The following CDH13 variants were observed in gnomAD, a reference collection of about 807,000 sequenced individuals.
The protein encoded by CDH13 is cadherin 13, also known as cadherin-13.
A neutral mutation model predicts 63.8 loss-of-function variants in CDH13; 24 were observed. The observed-to-expected ratio is 0.38, with a 90% CI of 0.27 to 0.53. CDH13 has a LOEUF of 0.53. Ranked by LOEUF, CDH13 falls within the 20% of genes least tolerant of loss-of-function variation. The probability of loss-of-function intolerance (pLI) is 0.85; values close to 1 mark genes in which losing one functional copy is unlikely to be tolerated. For missense variants in CDH13, 1,049 were observed against 903.1 expected (o/e 1.16, Z -2.07); for synonymous variants, 503 against 355.3 (o/e 1.42, Z -4.67).
intron 4 of CDH13, among the ~76,000 whole-genome samples, chr16:83,206,261 T>C (rs1175076182): frequency 6.6e-6 from 1 of 152,228 alleles, no homozygotes; most frequent in African/African-American, 2.4e-5. Flanking sequence ...CCGTGATTTC[T>C]CTGACAATCT....
intron 8 of CDH13, among the ~76,000 whole-genome samples, chr16:83,663,008 TG>T (rs1457265009): frequency 1.3e-5 from 2 of 152,258 alleles, no homozygotes; most frequent in Non-Finnish European, 2.9e-5. Flanking sequence ...TCCATTCTTT[TG>T]CTTCTCCATG....
At chr16:82,658,952 T>A (rs909088349) in intron 1 of CDH13, among the ~76,000 whole-genome samples, 1 of 152,220 alleles carries the variant, frequency 6.6e-6, no homozygotes, top group African/African-American at 2.4e-5. Flanking sequence ...CAGACTATTG[T>A]GAGCATAGTT....
intron 7 of CDH13, among the ~76,000 whole-genome samples, chr16:83,572,175 G>GGTGTGTGT (rs71148844): frequency 0.072 from 10,485 of 145,518 alleles, 441 homozygotes; most frequent in Middle Eastern, 0.12. Flanking sequence ...ACTTTCCTGT[G>GGTGTGTGT]GTGTGTGTGT....
At chr16:83,690,270 G>T (rs576501643) in intron 10 of CDH13, among the ~76,000 whole-genome samples, 7 of 152,228 alleles carry the variant, frequency 4.6e-5, no homozygotes, top group Admixed American at 6.5e-5. Context: ...AAGTAGCATA[G>T]TAACTGGTGA....
chr16:83,104,550 G>T (rs1021918421), intron 3 of CDH13, among the ~76,000 whole-genome samples: 1 of 149,522 alleles, frequency 6.7e-6, no homozygotes, highest in Non-Finnish European at 1.5e-5. Context: ...AATGTCTTTA[G>T]CAAAAAAGGA....
intron 5 of CDH13, among the ~76,000 whole-genome samples, chr16:83,301,155 C>T (rs924579651): frequency 6.6e-6 from 1 of 151,166 alleles, no homozygotes. Flanking sequence ...CCTCAGCCTC[C>T]CAAGTAGCTG....
At chr16:82,823,294 G>A (rs1292585358) in intron 1 of CDH13, 4 of 151,916 alleles carry the variant, frequency 2.6e-5, no homozygotes, top group African/African-American at 4.8e-5. Flanking sequence ...AAGATGATAA[G>A]GTCTGGAAGA....
intron 5 of CDH13, among the ~76,000 whole-genome samples, chr16:83,336,336 C>T (rs2090596862): frequency 6.7e-6 from 1 of 149,610 alleles, no homozygotes; most frequent in African/African-American, 2.5e-5. Context: ...GGAATGAAAG[C>T]AATGAGATTC....
intron 2 of CDH13, among the ~76,000 whole-genome samples, chr16:83,019,163 A>G (rs534046394): frequency 6.6e-6 from 1 of 152,374 alleles, no homozygotes; most frequent in African/African-American, 2.4e-5. Flanking sequence ...TTGTGGTAAC[A>G]CTTAGCTTAC....
intron 1 of CDH13, among the ~76,000 whole-genome samples, chr16:82,777,396 C>T (rs1158428727): frequency 1.3e-5 from 2 of 152,172 alleles, no homozygotes; most frequent in Non-Finnish European, 2.9e-5. Context: ...TGGAATTTGG[C>T]ATCAATATTG....
At chr16:83,398,001 T>A (rs1567644597) in intron 6 of CDH13, 1 of 131,886 alleles carries the variant, frequency 7.6e-6, no homozygotes, top group East Asian at 2.7e-4. Context: ...GGGAGGCTTC[T>A]GCTGTCCTGG....
At position 82,687,289 on chromosome 16, in the gene CDH13, TG is replaced by T. The variant is rs369855662; in HGVS notation, c.45+60154del. 4.2e-4 allele frequency among the ~76,000 whole-genome samples: 64 copies of T among 152,114 alleles called. 2 individuals carry two copies. In the East Asian group the frequency reaches 0.01, roughly 24 times the overall value. ...AAATCTTAACTTCTGGGATACTGGGTGGTGGTGGGGTTACTATTTCCAATTT... is the reference window on the plus strand; with the variant it reads ...AAATCTTAACTTCTGGGATACTGGGTGTGGTGGGGTTACTATTTCCAATTT... On this transcript the variant is annotated intron_variant, in intron 1 of 13. Coordinates refer to ENST00000567109, the MANE Select transcript of CDH13 (RefSeq NM_001257.5).
intron 4 of CDH13, among the ~76,000 whole-genome samples, chr16:83,198,244 T>C (rs2038931157): frequency 6.6e-6 from 1 of 152,010 alleles, no homozygotes; most frequent in Non-Finnish European, 1.5e-5. Context: ...CAGCACTCTT[T>C]TTAGTATATT....
At chr16:83,757,455 G>A (rs1383693307) in intron 11 of CDH13, among the ~76,000 whole-genome samples, 2 of 152,122 alleles carry the variant, frequency 1.3e-5, no homozygotes, top group African/African-American at 4.8e-5. Flanking sequence ...GCATGTGCCT[G>A]TAATCTCAGT....
At chr16:82,843,548 C>A (rs749673089) in intron 1 of CDH13, among the ~76,000 whole-genome samples, 3 of 152,050 alleles carry the variant, frequency 2.0e-5, no homozygotes, top group Non-Finnish European at 4.4e-5. Context: ...TCTTCTAGAA[C>A]TTTTCAGAGT....
chr16:82,886,546 T>G (rs531320973), intron 2 of CDH13, among the ~76,000 whole-genome samples: 6 of 137,288 alleles, frequency 4.4e-5, no homozygotes, highest in Middle Eastern at 7.1e-3. Flanking sequence ...ATTATCAACT[T>G]AGAATATTTG....
chr16:83,187,876 A>T (rs2038574595), intron 4 of CDH13, among the ~76,000 whole-genome samples: 1 of 152,168 alleles, frequency 6.6e-6, no homozygotes, highest in South Asian at 2.1e-4. Flanking sequence ...AGTTTTCAAC[A>T]GGGAGGCCCT....
chr16:83,620,415 T>C (rs1044279079), intron 8 of CDH13, among the ~76,000 whole-genome samples: 23 of 134,806 alleles, frequency 1.7e-4, no homozygotes, highest in African/African-American at 2.2e-4. Context: ...AAAAAAGATA[T>C]AGGGAGGAAC....
intron 1 of CDH13, among the ~76,000 whole-genome samples, chr16:82,851,417 A>G (rs2039476198): frequency 7.0e-6 from 1 of 142,126 alleles, no homozygotes; most frequent in African/African-American, 2.6e-5. Context: ...CCTGGGTGAC[A>G]GAGTGAGATT....
Sources: allele counts gnomAD v4.1 joint callset (sites outside exome capture counted in the v4.1 genomes callset), GRCh38; gene constraint gnomAD v4.1.1; transcripts MANE v1.5; gene names NCBI Gene and HGNC (gene_info 2026-07-23, HGNC 2026-07-21).